NRG1: variants seen among roughly 807,000 people sequenced by gnomAD.
NRG1 encodes pro-neuregulin-1, membrane-bound isoform.
In NRG1, 18 loss-of-function variants were observed where a neutral mutation model predicts 63.8. The observed-to-expected ratio is 0.28, with a 90% CI of 0.19 to 0.42. The LOEUF (loss-of-function observed/expected upper bound fraction) is 0.42. NRG1 is among the 10% of genes least tolerant of loss of function. The pLI is 1.00. For synonymous variants in NRG1, 302 were observed against 301.3 expected (o/e 1.00, Z -0.02); for missense variants, 762 against 814.7 (o/e 0.94, Z 0.79).
chr8:32,638,865 C>T (rs1044143994), intron 5 of NRG1, among the ~76,000 whole-genome samples: 1 of 152,104 alleles, frequency 6.6e-6, no homozygotes, highest in Non-Finnish European at 1.5e-5. Flanking sequence ...AAATGGGATA[C>T]GTCTGCTTCC....
At chr8:32,435,506 A>G (rs912039735) in intron 1 of NRG1, among the ~76,000 whole-genome samples, 1 of 152,200 alleles carries the variant, frequency 6.6e-6, no homozygotes, top group Non-Finnish European at 1.5e-5. Flanking sequence ...AGAATTTTGC[A>G]TAATCCAAGT....
At chr8:31,830,342 CTT>C in intron 1 of NRG1, among the ~76,000 whole-genome samples, 5 of 122,408 alleles carry the variant, frequency 4.1e-5, no homozygotes, top group African/African-American at 1.5e-4. Context: ...TCCTTCCTTC[CTT>C]CCTTCCTTCC....
At chr8:32,235,230 CAAAAAAAAAAAA>C (rs58148757) in intron 1 of NRG1, among the ~76,000 whole-genome samples, 1 of 88,308 alleles carries the variant, frequency 1.1e-5, no homozygotes, top group South Asian at 4.5e-4. Flanking sequence ...CTAATCTCTA[CAAAAAAAAAAAA>C]AAAAAAAAAA....
intron 1 of NRG1, among the ~76,000 whole-genome samples, chr8:31,653,654 C>T (rs1805129677): frequency 6.6e-6 from 1 of 152,186 alleles, no homozygotes; most frequent in Non-Finnish European, 1.5e-5. Flanking sequence ...TGATGAAAGG[C>T]ATCTATGTGT....
chr8:32,135,056 C>G (rs1244312893), intron 1 of NRG1, among the ~76,000 whole-genome samples: 1 of 152,064 alleles, frequency 6.6e-6, no homozygotes, highest in Non-Finnish European at 1.5e-5. Flanking sequence ...TGGCAAATAC[C>G]TAACATGGTG....
At position 31,742,960 on chromosome 8, in the gene NRG1, A is replaced by AT. The variant is rs577515631; in HGVS notation, c.37+103538dup. 4.8e-3 allele frequency among the ~76,000 whole-genome samples: 725 copies of AT among 151,584 alleles called. 3 individuals carry two copies. Among genetic ancestry groups the AT allele is most frequent in the Non-Finnish European group, 7.6e-3 (518 of 67,786 alleles). ...GTGTGTGCAAAAGAAAAAGAGACAGATTTTTTTTTCAATAGCTAGCCATTT... is the reference window on the plus strand; with the variant it reads ...GTGTGTGCAAAAGAAAAAGAGACAGATTTTTTTTTTCAATAGCTAGCCATTT... On this transcript the variant is annotated intron_variant, in intron 1 of 10. Transcript: ENST00000519301.
intron 5 of NRG1, among the ~76,000 whole-genome samples, chr8:32,626,510 C>T (rs1183512298): frequency 6.6e-6 from 1 of 151,670 alleles, no homozygotes; most frequent in South Asian, 2.1e-4. Context: ...GAAAGCCCAT[C>T]GCTACTAAAA....
At chr8:32,403,194 G>A (rs1813457447) in intron 1 of NRG1, among the ~76,000 whole-genome samples, 2 of 151,628 alleles carry the variant, frequency 1.3e-5, no homozygotes, top group Middle Eastern at 3.4e-3. Context: ...AGCTACTTGG[G>A]AAGCTGAGGC....
chr8:31,998,377 A>G (rs1812373480), intron 1 of NRG1, among the ~76,000 whole-genome samples: 1 of 152,060 alleles, frequency 6.6e-6, no homozygotes, highest in Non-Finnish European at 1.5e-5. Flanking sequence ...TCTATCAAAA[A>G]TACATTTGAA....
At chr8:32,403,816 ATTTGT>A (rs1351181314) in intron 1 of NRG1, among the ~76,000 whole-genome samples, 16 of 152,130 alleles carry the variant, frequency 1.1e-4, no homozygotes, top group Admixed American at 1.0e-3. Context: ...TATTTTTGAA[ATTTGT>A]TTTGTCTTCC....
exon 1 of NRG1, chr8:32,548,683 C>T: frequency 1.3e-6 from 2 of 1,549,656 alleles, no homozygotes; most frequent in Non-Finnish European, 1.7e-6. Flanking sequence ...CCAAACTCGC[C>T]TGCGCCGAGA....
At chr8:32,117,325 T>G (rs1047311382) in intron 1 of NRG1, among the ~76,000 whole-genome samples, 2 of 152,196 alleles carry the variant, frequency 1.3e-5, no homozygotes, top group African/African-American at 4.8e-5. Flanking sequence ...GCATGACGTG[T>G]TAGCTACAGT....
intron 1 of NRG1, among the ~76,000 whole-genome samples, chr8:32,257,207 T>C (rs2129471203): frequency 6.6e-6 from 1 of 152,296 alleles, no homozygotes; most frequent in African/African-American, 2.4e-5. Flanking sequence ...CCAGTGGATC[T>C]TAGCCTGCTG....
intron 1 of NRG1, among the ~76,000 whole-genome samples, chr8:32,167,210 G>A (rs1260751060): frequency 3.3e-5 from 5 of 152,142 alleles, no homozygotes; most frequent in Non-Finnish European, 5.9e-5. Context: ...AAGCCAGATA[G>A]GCATATTAAA....
At chr8:32,658,514 C>T (rs1802057490) in intron 5 of NRG1, among the ~76,000 whole-genome samples, 1 of 152,124 alleles carries the variant, frequency 6.6e-6, no homozygotes, top group Non-Finnish European at 1.5e-5. Flanking sequence ...ATAACCCAGA[C>T]CTACGTATGT....
At chr8:32,293,107 T>TATAAA (rs74809250) in intron 1 of NRG1, among the ~76,000 whole-genome samples, 35,001 of 150,526 alleles carry the variant, frequency 0.23, 4,753 homozygotes, top group East Asian at 0.61. Flanking sequence ...ACGTCTAAAA[T>TATAAA]ATAAAATAAA....
rs550984747 is a variant in NRG1, at chr8:32,761,867, C to T, written c.1259+1461C>T. On this transcript the variant is annotated intron_variant, in intron 11 of 11. Coordinates refer to ENST00000356819, the Ensembl canonical transcript of NRG1. ...CATCCTGGCCAACATGGTGAAACCC[C>T]ATCTCTACTAAAAATACAAAAATTA... 5.9e-5 allele frequency among the ~76,000 whole-genome samples: 9 copies of T among 151,672 alleles called. No homozygotes were observed. In the South Asian group the frequency reaches 1.7e-3, roughly 28 times the overall value.
chr8:31,655,058 T>C (rs1255517144), intron 1 of NRG1, among the ~76,000 whole-genome samples: 5 of 152,238 alleles, frequency 3.3e-5, no homozygotes, highest in Admixed American at 3.3e-4. Flanking sequence ...GAAATTATTA[T>C]AGTTGCCATT....
chr8:31,896,981 AAAT>A (rs1831627829), intron 1 of NRG1, among the ~76,000 whole-genome samples: 1 of 152,220 alleles, frequency 6.6e-6, no homozygotes, highest in African/African-American at 2.4e-5. Flanking sequence ...TTGTATGAAT[AAAT>A]AATGAACCTG....
Sources: gnomAD v4.1 joint callset for allele counts (sites outside exome capture counted in the v4.1 genomes callset) on GRCh38, gnomAD v4.1.1 for gene constraint, MANE v1.5 for transcripts, NCBI Gene and HGNC (gene_info 2026-07-23, HGNC 2026-07-21) for gene names.